NAP1L1: variants seen among roughly 807,000 people sequenced by gnomAD.
The protein encoded by NAP1L1 is nucleosome assembly protein 1 like 1, also known as nucleosome assembly protein 1-like 1.
In NAP1L1, 9 loss-of-function variants were observed where a neutral mutation model predicts 58.9. The ratio of observed to expected loss-of-function variants is 0.15; its 90% CI spans 0.09 to 0.27. The LOEUF is 0.27. Ranked by LOEUF, NAP1L1 falls within the 10% of genes least tolerant of loss-of-function variation. NAP1L1 has a pLI of 1.00. For synonymous variants in NAP1L1, 130 were observed against 138.3 expected, an observed-to-expected ratio of 0.94 and a Z score of 0.42; for missense variants, 302 against 458.8, an observed-to-expected ratio of 0.66 and a Z score of 3.12.
rs1431718872 is a variant in NAP1L1, at chr12:76,041,349, G to A, written c.*7080C>T. 4 of 152,156 alleles carry A rather than the reference G, an allele frequency of 2.6e-5. No individual in the cohort carries two copies. The highest frequency in any genetic ancestry group is 5.9e-5 in the Non-Finnish European group (4 of 68,030). The allele number at this position is 152,156 out of a possible 1,614,324, so 9.4% of individuals were successfully genotyped here. A position where few individuals can be genotyped will look rare whatever the true frequency, so the allele number is the denominator to read the frequency against. ...AGTATTTTGAACTGGTTCAAAACCA[G>A]TTCAGATTTATAGAACCAAAGAGTA... On this transcript the variant is annotated 3_prime_UTR_variant, in exon 15 of 15. Coordinates refer to ENST00000618691, the MANE Select transcript of NAP1L1 (RefSeq NM_004537.7).
chr12:76,058,194 C>CATATATATATATATATATATATAT (rs3082540), intron 6 of NAP1L1: 2 of 350,048 alleles, frequency 5.7e-6, no homozygotes, highest in African/African-American at 5.4e-5. Flanking sequence ...GAGAGGCCTA[C>CATATATATATATATATATATATAT]ATATATATAT....
chr12:76,048,982 A>C (rs1233780189), intron 14 of NAP1L1: 4 of 550,860 alleles, frequency 7.3e-6, no homozygotes, highest in Non-Finnish European at 1.3e-5. Flanking sequence ...AACTATAAAA[A>C]GCACGAAGTC....
chr12:76,045,910 A>C lies in NAP1L1; in HGVS notation c.*2519T>G, dbSNP rs1948599442. 1 of 152,034 alleles carries C rather than the reference A, an allele frequency of 6.6e-6. No individual in the cohort carries two copies. Among genetic ancestry groups the C allele is most frequent in the Non-Finnish European group, 1.5e-5 (1 of 67,914 alleles). 9.4% of individuals were successfully genotyped at this position (152,034 alleles called of 1,614,324 possible). On this transcript the variant is annotated 3_prime_UTR_variant, in exon 15 of 15. Coordinates refer to ENST00000618691, the MANE Select transcript of NAP1L1 (RefSeq NM_004537.7). ...TGCTGGAAACTACAATCAGAGTGTA[A>C]AGACAAATCTCAAAAATGTTTGTAG...
At chr12:76,051,886 T>C (rs1948849214) in intron 11 of NAP1L1, among the ~76,000 whole-genome samples, 1 of 151,938 alleles carries the variant, frequency 6.6e-6, no homozygotes, top group Non-Finnish European at 1.5e-5. Flanking sequence ...CAATGGCACG[T>C]GCCTGTAATC....
Position 76,055,867 on chromosome 12 carries a change from GATTAC to G in NAP1L1, c.558+161_558+165del, listed in dbSNP as rs1377087618. ...TTTTTTAAAATAAACTAATTTATTTGATTACATTAATCAAAGCTGTAATTTCTCTT... is the reference window on the plus strand; with the variant it reads ...TTTTTTAAAATAAACTAATTTATTTGATTAATCAAAGCTGTAATTTCTCTT... On this transcript the variant is annotated intron_variant, in intron 7 of 14. Transcript: ENST00000618691. Among the ~76,000 whole-genome samples the G allele has an allele frequency of 3.9e-5, 6 of 152,146 alleles. No homozygotes were observed. The East Asian group carries it at 9.7e-4, about 25-fold the overall frequency.
chr12:76,055,952 G>T, intron 7 of NAP1L1, 81 bp downstream of exon 7: 2 of 1,414,390 alleles, frequency 1.4e-6, no homozygotes, highest in Non-Finnish European at 2.0e-6. Context: ...GATCAACACT[G>T]AAGAGAACAG....
intron 11 of NAP1L1, 119 bp from the exon 12 acceptor site, chr12:76,050,772 A>G: frequency 9.6e-7 from 1 of 1,039,226 alleles, no homozygotes; most frequent in Non-Finnish European, 1.4e-6. Context: ...CCAACACTTC[A>G]GGAGGCCAAA....
In NAP1L1 at chr12:76,041,503, C is replaced by CT. The variant is rs1320532993; in HGVS notation, c.*6925dup. 11 of 152,210 alleles carry CT rather than the reference C, an allele frequency of 7.2e-5. No individual in the cohort carries two copies. The highest frequency in any genetic ancestry group is 2.1e-4 in the South Asian group (1 of 4,830). The allele number at this position is 152,210 out of a possible 1,614,324, so 9.4% of individuals were successfully genotyped here. The stretch of plus-strand genomic sequence containing the variant: ...GCAAATGCAGGTTAAATACAGTGGG[C>CT]TATTCATCTCCAAGTTGCCGTGAAG... On this transcript the variant is annotated 3_prime_UTR_variant, in exon 15 of 15. Coordinates refer to ENST00000618691, the MANE Select transcript of NAP1L1 (RefSeq NM_004537.7).
At chr12:76,052,266 CA>C (rs546950800) in intron 11 of NAP1L1, among the ~76,000 whole-genome samples, 49 of 150,584 alleles carry the variant, frequency 3.3e-4, no homozygotes, top group Non-Finnish European at 4.7e-4. Context: ...AACAAACAAA[CA>C]AAAAAAAACC....
rs1015331828 is a variant in NAP1L1, at chr12:76,039,580, T to C, written c.*8849A>G. The C allele has an allele frequency of 6.6e-6, 1 of 152,190 alleles. No homozygotes were observed. The highest frequency in any genetic ancestry group is 2.4e-5 in the African/African-American group (1 of 41,452). 9.4% of individuals were successfully genotyped at this position (152,190 alleles called of 1,614,324 possible). Reference sequence around the variant, plus strand: ...TGTTTAAAATGAAATCTAGATTAACTCTGGTCTCTAAAATATTTCATCTCT... The same window carrying C: ...TGTTTAAAATGAAATCTAGATTAACCCTGGTCTCTAAAATATTTCATCTCT... On this transcript the variant is annotated 3_prime_UTR_variant, in exon 15 of 15. Transcript: ENST00000618691.
Position 76,048,359 on chromosome 12 carries a change from T to C in NAP1L1, c.*70A>G, listed in dbSNP as rs1374932875. 6.5e-7 allele frequency: 1 copy of C among 1,545,532 alleles called. No homozygotes were observed. Among genetic ancestry groups the C allele is most frequent in the African/African-American group, 1.4e-5 (1 of 73,170 alleles). ...CCAAGAAAATACAAAAACATAAGGC[T>C]GTAAGTAAATAAGAGTTGTGTTTAG... On this transcript the variant is annotated 3_prime_UTR_variant, in exon 15 of 15. Coordinates refer to ENST00000618691, the MANE Select transcript of NAP1L1 (RefSeq NM_004537.7).
In NAP1L1 at chr12:76,038,922, A is replaced by C. The variant is rs1374295619; in HGVS notation, c.*9507T>G. The C allele has an allele frequency of 6.6e-6, 1 of 152,170 alleles. No individual in the cohort carries two copies. Among genetic ancestry groups the C allele is most frequent in the Non-Finnish European group, 1.5e-5 (1 of 68,044 alleles). The allele number at this position is 152,170 out of a possible 1,614,324, so 9.4% of individuals were successfully genotyped here. A position where few individuals can be genotyped will look rare whatever the true frequency, so the allele number is the denominator to read the frequency against. On this transcript the variant is annotated 3_prime_UTR_variant, in exon 15 of 15. Coordinates refer to ENST00000618691, the MANE Select transcript of NAP1L1 (RefSeq NM_004537.7). ...CACTTTTAAGTCATTGTCTCAACCT[A>C]ATTTGTGCATGCATGGTTCTGAGAA...
chr12:76,055,390 T>C (rs1359833027), intron 7 of NAP1L1, among the ~76,000 whole-genome samples: 1 of 152,242 alleles, frequency 6.6e-6, no homozygotes, highest in African/African-American at 2.4e-5. Flanking sequence ...TTCCTGATTG[T>C]AATTGCTGCC....
At chr12:76,059,125 T>C (rs1477458584) in intron 6 of NAP1L1, among the ~76,000 whole-genome samples, 2 of 152,318 alleles carry the variant, frequency 1.3e-5, no homozygotes, top group African/African-American at 2.4e-5. Context: ...TAATAAAAAA[T>C]TGCAAATGTT....
rs928220206 is a variant in NAP1L1 at position 76,083,575 on chromosome 12, G to C, written c.-21+992C>G. Among the ~76,000 whole-genome samples the C allele has an allele frequency of 2.7e-5, 4 of 150,724 alleles. No individual in the cohort carries two copies. In the East Asian group the frequency reaches 5.9e-4, roughly 22 times the overall value. Reference sequence around the variant, plus strand: ...CAAGCTTGGTTTAGGGGTTTAGATCGATCAGGATCAATACTCCCCAAATAA... The same window carrying C: ...CAAGCTTGGTTTAGGGGTTTAGATCCATCAGGATCAATACTCCCCAAATAA... On this transcript the variant is annotated intron_variant, in intron 1 of 14. Transcript: ENST00000618691.
intron 2 of NAP1L1, among the ~76,000 whole-genome samples, chr12:76,072,019 A>C (rs1340345951): frequency 6.6e-6 from 1 of 151,398 alleles, no homozygotes; most frequent in Non-Finnish European, 1.5e-5. Context: ...CACTCTGGTG[A>C]CCCTACACTG....
At chr12:76,066,792 C>G (rs1162196857) in intron 4 of NAP1L1, among the ~76,000 whole-genome samples, 1 of 152,050 alleles carries the variant, frequency 6.6e-6, no homozygotes, top group African/African-American at 2.4e-5. Context: ...CTGCTGAGCA[C>G]ACATCTCAAA....
chr12:76,049,118 G>T, intron 14 of NAP1L1, 82 bp downstream of exon 14: 1 of 1,371,942 alleles, frequency 7.3e-7, no homozygotes, highest in Admixed American at 1.7e-5. Context: ...GACTTTAACG[G>T]AGAGAAACTT....
chr12:76,050,093 T>C (rs1431900363), intron 12 of NAP1L1, among the ~76,000 whole-genome samples: 1 of 152,172 alleles, frequency 6.6e-6, no homozygotes, highest in Non-Finnish European at 1.5e-5. Context: ...TAAAGCCTAC[T>C]CTAACAATTG....
Sources: gnomAD v4.1 joint callset for allele counts (sites outside exome capture counted in the v4.1 genomes callset) on GRCh38, gnomAD v4.1.1 for gene constraint, MANE v1.5 for transcripts, NCBI Gene and HGNC (gene_info 2026-07-23, HGNC 2026-07-21) for gene names.